The following CCDC158 variants were observed in gnomAD, a reference collection of about 807,000 sequenced individuals.
CCDC158 encodes the protein coiled-coil domain-containing protein 158.
In CCDC158, 116 loss-of-function variants were observed where a neutral mutation model predicts 138.6. The ratio of observed to expected loss-of-function variants is 0.84; its 90% confidence interval spans 0.72 to 0.98. CCDC158 has a LOEUF of 0.98. Ranked by LOEUF, CCDC158 falls within the 50% of genes least tolerant of loss-of-function variation. CCDC158 has a pLI of 0.00. For synonymous variants in CCDC158, 436 were observed against 442.4 expected (o/e 0.99, Z 0.18); for missense variants, 1,265 against 1,306.1 (o/e 0.97, Z 0.48).
At chr4:76,363,377 G>A (rs1005862938) in intron 12 of CCDC158, among the ~76,000 whole-genome samples, 7 of 152,140 alleles carry the variant, frequency 4.6e-5, no homozygotes, top group African/African-American at 7.2e-5. Flanking sequence ...ATTTTGCCCC[G>A]TGTGCCTTTT....
chr4:76,371,768 T>G (rs1295723030), intron 9 of CCDC158, among the ~76,000 whole-genome samples: 1 of 151,984 alleles, frequency 6.6e-6, no homozygotes, highest in Non-Finnish European at 1.5e-5. Flanking sequence ...CAAAATCCCG[T>G]CTCTACTAAA....
At chr4:76,354,982 T>C (rs1723404184) in intron 15 of CCDC158, among the ~76,000 whole-genome samples, 1 of 152,212 alleles carries the variant, frequency 6.6e-6, no homozygotes, top group Non-Finnish European at 1.5e-5. Flanking sequence ...CCTGATCCCA[T>C]TGTTCCCATA....
intron 24 of CCDC158, 138 bp downstream of exon 24, chr4:76,323,164 G>C: frequency 1.7e-6 from 1 of 596,188 alleles, no homozygotes; most frequent in East Asian, 2.8e-5. Context: ...TAATGGTTAA[G>C]ACCCTTATAT....
intron 3 of CCDC158, among the ~76,000 whole-genome samples, chr4:76,400,297 C>T (rs1039749023): frequency 2.0e-5 from 3 of 150,872 alleles, no homozygotes; most frequent in Non-Finnish European, 2.9e-5. Flanking sequence ...AGCAAACTAT[C>T]GCAAGGACAG....
chr4:76,345,504 A>C (rs1268026616), intron 18 of CCDC158: 6 of 926,416 alleles, frequency 6.5e-6, no homozygotes, highest in East Asian at 2.4e-5. Context: ...AAAGATTCTC[A>C]TTGAAATGTC....
chr4:76,373,129 G>A (rs9654169), intron 9 of CCDC158, among the ~76,000 whole-genome samples: 3,818 of 152,274 alleles, frequency 0.025, 152 homozygotes, highest in African/African-American at 0.087. Flanking sequence ...GATTACAGGC[G>A]TGAGCCACCG....
chr4:76,320,377 T>G (rs1277171096), intron 24 of CCDC158, among the ~76,000 whole-genome samples: 2 of 152,144 alleles, frequency 1.3e-5, no homozygotes, highest in Non-Finnish European at 2.9e-5. Context: ...AAAAGCAATC[T>G]ACAAATTCAA....
Position 76,334,005 on chromosome 4 carries a change from C to G in CCDC158, c.2822+5G>C. 6.2e-7 allele frequency: 1 copy of G among 1,601,938 alleles called. No individual in the cohort carries two copies. Among genetic ancestry groups the G allele is most frequent in the Non-Finnish European group, 8.5e-7 (1 of 1,172,562 alleles). On this transcript the variant is annotated splice_donor_5th_base_variant and intron_variant, in intron 19 of 24. Coordinates refer to ENST00000682701, the MANE Select transcript of CCDC158 (RefSeq NM_001394954.1). ...CTTTCCCATTCTGTGTGCACACAGC[C>G]TTACACAGCCACATACAAGGCTCCC...
At chr4:76,383,558 C>G in intron 7 of CCDC158, 104 bp downstream of exon 7, 1 of 771,028 alleles carries the variant, frequency 1.3e-6, no homozygotes, top group Non-Finnish European at 2.2e-6. Context: ...TATAAAAAAA[C>G]TTATGTGTTT....
chr4:76,397,149 G>C (rs970077210), intron 3 of CCDC158, among the ~76,000 whole-genome samples: 2 of 152,002 alleles, frequency 1.3e-5, no homozygotes, highest in African/African-American at 2.4e-5. Context: ...CCTCCTCTTT[G>C]TAAGAAAGGA....
chr4:76,341,315 T>G (rs1054715369), intron 18 of CCDC158, among the ~76,000 whole-genome samples: 1 of 152,218 alleles, frequency 6.6e-6, no homozygotes, highest in African/African-American at 2.4e-5. Flanking sequence ...AAGCTAAAAA[T>G]AACAGCTTGA....
At chr4:76,346,841 C>T (rs1233263207) in intron 18 of CCDC158, among the ~76,000 whole-genome samples, 1 of 152,018 alleles carries the variant, frequency 6.6e-6, no homozygotes, top group Non-Finnish European at 1.5e-5. Flanking sequence ...AAGAAAAAAA[C>T]AAACAATTCC....
In CCDC158 at chr4:76,353,210, GT is replaced by G; in HGVS notation, c.2357del (p.Asn786ThrfsTer17). On this transcript the variant is annotated frameshift_variant, in exon 16 of 25. Coordinates refer to ENST00000682701, the MANE Select transcript of CCDC158 (RefSeq NM_001394954.1). LOFTEE classifies it high-confidence loss of function. ...GAACTTCCAACTCCCCAGCCATCTT[GT>G]TTTTTTCTGTGGCAACAGTACTCAA... Reference protein sequence around the residue: ...QELSTVATEKNKMAGELEVLR... With the variant: ...QELSTVATEKXKMAGELEVLR... 1 of 1,613,206 alleles carries G rather than the reference GT, an allele frequency of 6.2e-7. No individual in the cohort carries two copies. The highest frequency in any genetic ancestry group is 8.5e-7 in the Non-Finnish European group (1 of 1,179,588).
chr4:76,331,522 C>T (rs948570839), intron 20 of CCDC158, 119 bp from the exon 21 acceptor site: 11 of 764,394 alleles, frequency 1.4e-5, no homozygotes, highest in Middle Eastern at 7.4e-4. Context: ...TATCATCTGA[C>T]AGCTGGATAA....
intron 18 of CCDC158, among the ~76,000 whole-genome samples, chr4:76,338,052 C>T (rs952520602): frequency 1.3e-5 from 2 of 152,200 alleles, no homozygotes; most frequent in East Asian, 3.9e-4. Flanking sequence ...CACCTCCTGT[C>T]AGATCAGGGG....
At chr4:76,394,536 A>T (rs1049929082) in intron 4 of CCDC158, among the ~76,000 whole-genome samples, 1 of 152,038 alleles carries the variant, frequency 6.6e-6, no homozygotes, top group African/African-American at 2.4e-5. Flanking sequence ...GTACAAAAAA[A>T]ATACAACGAA....
chr4:76,351,284 C>T lies in CCDC158; in HGVS notation c.2539-163G>A, dbSNP rs1199952500. Among the ~76,000 whole-genome samples, 6 of 148,950 alleles carry T rather than the reference C, an allele frequency of 4.0e-5. No individual in the cohort carries two copies. In the Admixed American group the frequency reaches 4.1e-4, roughly 10 times the overall value. ...CACTTCTTAAAATAGACATATATTT[C>T]AGTGTAAAATGTACGATTTAAAAAA... On this transcript the variant is annotated intron_variant, in intron 17 of 24. Transcript: ENST00000682701.
At chr4:76,330,224 C>A (rs1208590787) in intron 21 of CCDC158, among the ~76,000 whole-genome samples, 1 of 151,996 alleles carries the variant, frequency 6.6e-6, no homozygotes, top group Admixed American at 6.6e-5. Flanking sequence ...GGCTCAGGAG[C>A]CAGCTAAACC....
At chr4:76,419,642 C>T (rs1436799875) in intron 1 of CCDC158, among the ~76,000 whole-genome samples, 1 of 152,032 alleles carries the variant, frequency 6.6e-6, no homozygotes, top group East Asian at 1.9e-4. Context: ...GGTCACATTG[C>T]CTTCTCTTCG....
Sources: gnomAD v4.1 joint callset for allele counts (sites outside exome capture counted in the v4.1 genomes callset) on GRCh38, gnomAD v4.1.1 for gene constraint, MANE v1.5 for transcripts, NCBI Gene and HGNC (gene_info 2026-07-23, HGNC 2026-07-21) for gene names.